The following RABGAP1L variants were observed in gnomAD, a reference collection of about 807,000 sequenced individuals.
RABGAP1L encodes the protein rab GTPase-activating protein 1-like.
A neutral mutation model predicts 137.7 loss-of-function variants in RABGAP1L; 63 were observed. The ratio of observed to expected loss-of-function variants is 0.46; its 90% confidence interval spans 0.37 to 0.56. RABGAP1L has a LOEUF of 0.56. Among genes scored for constraint, RABGAP1L ranks in the 20% least tolerant of loss-of-function variants. The pLI, the probability that RABGAP1L is intolerant of heterozygous loss-of-function variation, is 0.00. For missense variants in RABGAP1L, 1,095 were observed against 1,244.0 expected (o/e 0.88, Z 1.80); for synonymous variants, 431 against 433.7 (o/e 0.99, Z 0.08).
intron 11 of RABGAP1L, among the ~76,000 whole-genome samples, chr1:174,356,900 A>G (rs1415176755): frequency 6.6e-6 from 1 of 152,158 alleles, no homozygotes; most frequent in East Asian, 1.9e-4. Context: ...AGTACTTCAT[A>G]TATATTTTCA....
At chr1:174,288,393 T>C (rs755981827) in intron 10 of RABGAP1L, among the ~76,000 whole-genome samples, 3 of 152,218 alleles carry the variant, frequency 2.0e-5, no homozygotes, top group East Asian at 1.9e-4. Context: ...GGCAGATCTT[T>C]GTGATGATGA....
intron 15 of RABGAP1L, among the ~76,000 whole-genome samples, chr1:174,687,951 C>T (rs114486199): frequency 0.013 from 1,915 of 152,214 alleles, 14 homozygotes; most frequent in Non-Finnish European, 0.02. Context: ...TTGGAAATTT[C>T]TAGATGCTTT....
chr1:174,689,520 A>C (rs1197357366), intron 15 of RABGAP1L, among the ~76,000 whole-genome samples: 1 of 152,070 alleles, frequency 6.6e-6, no homozygotes, highest in Non-Finnish European at 1.5e-5. Flanking sequence ...CTTTTCTTGA[A>C]TTTTATTGTC....
intron 11 of RABGAP1L, among the ~76,000 whole-genome samples, chr1:174,338,658 GTATTT>G (rs1412930464): frequency 6.6e-6 from 1 of 151,486 alleles, no homozygotes; most frequent in Admixed American, 6.6e-5. Flanking sequence ...ATATAGTCTG[GTATTT>G]TATTATGATT....
chr1:174,982,121 T>C (rs1000279756), intron 23 of RABGAP1L, among the ~76,000 whole-genome samples: 7 of 152,216 alleles, frequency 4.6e-5, no homozygotes, highest in African/African-American at 1.7e-4. Flanking sequence ...ATTTTAACTT[T>C]GTTTTATCCA....
At chr1:174,612,098 T>C (rs1671309497) in intron 13 of RABGAP1L, among the ~76,000 whole-genome samples, 1 of 152,172 alleles carries the variant, frequency 6.6e-6, no homozygotes, top group Non-Finnish European at 1.5e-5. Context: ...CTATGTTGAA[T>C]AGGAGTGGTG....
intron 13 of RABGAP1L, among the ~76,000 whole-genome samples, chr1:174,580,854 A>G (rs180850608): frequency 5.8e-4 from 89 of 152,364 alleles, no homozygotes; most frequent in African/African-American, 2.0e-3. Flanking sequence ...CAACTGAAAA[A>G]TTAGAATCAA....
intron 10 of RABGAP1L, among the ~76,000 whole-genome samples, chr1:174,288,851 T>C (rs747168362): frequency 2.0e-5 from 3 of 152,178 alleles, no homozygotes; most frequent in Non-Finnish European, 2.9e-5. Context: ...GTTGTTTTGC[T>C]CGATGGTGTT....
intron 7 of RABGAP1L, among the ~76,000 whole-genome samples, chr1:174,258,460 CT>C (rs200873654): frequency 1.2e-4 from 18 of 151,850 alleles, no homozygotes; most frequent in Admixed American, 7.9e-4. Flanking sequence ...AATTAAACAT[CT>C]TTTTTTTGGA....
At chr1:174,227,172 C>A (rs920113120) in intron 3 of RABGAP1L, among the ~76,000 whole-genome samples, 2 of 151,630 alleles carry the variant, frequency 1.3e-5, no homozygotes, top group Non-Finnish European at 2.9e-5. Flanking sequence ...TATCATATGA[C>A]CCTTTACAGA....
intron 13 of RABGAP1L, among the ~76,000 whole-genome samples, chr1:174,430,515 T>C (rs16847012): frequency 0.35 from 53,570 of 152,078 alleles, 12,098 homozygotes; most frequent in African/African-American, 0.64. Flanking sequence ...GCTAATTGCA[T>C]GAATCTGGGC....
Position 174,834,060 on chromosome 1 carries a change from G to T in RABGAP1L, c.2340+22100G>T, listed in dbSNP as rs975976900. 5.9e-5 allele frequency among the ~76,000 whole-genome samples: 9 copies of T among 152,294 alleles called. No individual in the cohort carries two copies. The South Asian group carries it at 1.9e-3, about 32-fold the overall frequency. ...CCTAAAATAATTAAAAATTTTTAAT[G>T]TGTGGCTTAGTAGGAAAATAAGGAG... On this transcript the variant is annotated intron_variant, in intron 19 of 25. Coordinates refer to ENST00000681986, the MANE Select transcript of RABGAP1L (RefSeq NM_001366446.1).
chr1:174,396,446 CTATAA>C (rs1280574574), intron 13 of RABGAP1L, among the ~76,000 whole-genome samples: 5 of 151,614 alleles, frequency 3.3e-5, no homozygotes, highest in South Asian at 2.1e-4. Flanking sequence ...TTTATAATAT[CTATAA>C]TATATTAGTA....
chr1:174,413,098 A>G, intron 13 of RABGAP1L, among the ~76,000 whole-genome samples: 1 of 152,126 alleles, frequency 6.6e-6, no homozygotes, highest in Non-Finnish European at 1.5e-5. Context: ...AATGCCAGTA[A>G]TTCATAGATT....
Position 174,540,888 on chromosome 1 carries a change from A to G in RABGAP1L, c.1711-96487A>G, listed in dbSNP as rs190065574. Among the ~76,000 whole-genome samples, 5 of 152,336 alleles carry G rather than the reference A, an allele frequency of 3.3e-5. No individual in the cohort carries two copies. The East Asian group carries it at 9.6e-4, about 29-fold the overall frequency. Reference sequence around the variant, plus strand: ...GAATCTATAAATTACCTTGGGCAATATGGACATTTTCAAAATATTGATTAT... The same window carrying G: ...GAATCTATAAATTACCTTGGGCAATGTGGACATTTTCAAAATATTGATTAT... On this transcript the variant is annotated intron_variant, in intron 13 of 25. Coordinates refer to ENST00000681986, the MANE Select transcript of RABGAP1L (RefSeq NM_001366446.1).
At chr1:174,174,924 C>T (rs76785379) in intron 1 of RABGAP1L, among the ~76,000 whole-genome samples, 2,294 of 152,288 alleles carry the variant, frequency 0.015, 30 homozygotes, top group Middle Eastern at 0.065. Context: ...GGAAATAATG[C>T]TTTTACTAGC....
At chr1:174,350,894 GC>G (rs1474816990) in intron 11 of RABGAP1L, among the ~76,000 whole-genome samples, 19 of 106,172 alleles carry the variant, frequency 1.8e-4, no homozygotes, top group African/African-American at 7.0e-4. Flanking sequence ...CTGGAGACCG[GC>G]CCGGCCAACA....
chr1:174,260,795 A>G (rs1020309207), intron 7 of RABGAP1L, among the ~76,000 whole-genome samples: 2 of 152,148 alleles, frequency 1.3e-5, no homozygotes, highest in African/African-American at 4.8e-5. Context: ...TAGCACTATT[A>G]CTTAGCACCT....
intron 4 of RABGAP1L, among the ~76,000 whole-genome samples, chr1:174,240,448 G>A (rs998047771): frequency 2.6e-5 from 4 of 152,118 alleles, no homozygotes; most frequent in African/African-American, 4.8e-5. Context: ...GGATTTCACC[G>A]TGTTGGTCAG....
Sources: gnomAD v4.1 joint callset for allele counts (sites outside exome capture counted in the v4.1 genomes callset) on GRCh38, gnomAD v4.1.1 for gene constraint, MANE v1.5 for transcripts, NCBI Gene and HGNC (gene_info 2026-07-23, HGNC 2026-07-21) for gene names.